The following CHD9 variants were observed in gnomAD, a reference collection of about 807,000 sequenced individuals.
The protein encoded by CHD9 is ATP-dependent chromatin remodeler CHD9.
In CHD9, 77 loss-of-function variants were observed where a neutral mutation model predicts 316.1. The observed-to-expected ratio is 0.24, with a 90% confidence interval of 0.20 to 0.29. The LOEUF is 0.29. Among genes scored for constraint, CHD9 ranks in the 10% least tolerant of loss-of-function variants. The probability of loss-of-function intolerance (pLI) is 1.00; values close to 1 mark genes in which losing one functional copy is unlikely to be tolerated. For missense variants in CHD9, 2,763 were observed against 3,438.1 expected (o/e 0.80, Z 4.91); for synonymous variants, 1,129 against 1,158.3 (o/e 0.97, Z 0.51).
At chr16:53,079,325 C>T (rs191514577) in intron 1 of CHD9, among the ~76,000 whole-genome samples, 1 of 152,264 alleles carries the variant, frequency 6.6e-6, no homozygotes, top group East Asian at 1.9e-4. Flanking sequence ...ATATTGCACA[C>T]GTTAAGTGCT....
At chr16:53,296,434 A>ATTTTTTTTTTTTTTTTTTTTTTTT (rs35618799) in intron 29 of CHD9, among the ~76,000 whole-genome samples, 1 of 101,764 alleles carries the variant, frequency 9.8e-6, no homozygotes, top group Non-Finnish European at 1.8e-5. Flanking sequence ...TTAAAAGTAA[A>ATTTTTTTTTTTTTTTTTTTTTTTT]TTTTTTTTTT....
At chr16:53,118,689 T>C (rs778896549) in intron 1 of CHD9, among the ~76,000 whole-genome samples, 7 of 152,044 alleles carry the variant, frequency 4.6e-5, no homozygotes, top group Non-Finnish European at 1.0e-4. Context: ...AGCCAAAATG[T>C]CCAAGAATTC....
At chr16:53,291,290 C>T (rs1422223776) in intron 27 of CHD9, among the ~76,000 whole-genome samples, 1 of 152,140 alleles carries the variant, frequency 6.6e-6, no homozygotes, top group African/African-American at 2.4e-5. Context: ...ACTGAATCTT[C>T]AGCACAAGCA....
intron 29 of CHD9, 90 bp downstream of exon 29, chr16:53,293,142 G>A (rs2054490530): frequency 8.8e-7 from 1 of 1,132,384 alleles, no homozygotes; most frequent in South Asian, 1.4e-5. Context: ...ACGCTTTGTG[G>A]AAAACATACA....
chr16:53,129,017 C>T (rs2039095445), intron 1 of CHD9, among the ~76,000 whole-genome samples: 1 of 152,088 alleles, frequency 6.6e-6, no homozygotes, highest in African/African-American at 2.4e-5. Context: ...CAAAACAAAA[C>T]AAAAACACAA....
Position 53,156,766 on chromosome 16 carries a change from T to C in CHD9, c.677T>C (p.Ile226Thr), listed in dbSNP as rs1202670958. 1 of 1,613,892 alleles carries C rather than the reference T, an allele frequency of 6.2e-7. No individual in the cohort carries two copies. The highest frequency in any genetic ancestry group is 1.3e-5 in the African/African-American group (1 of 75,054). The change falls in exon 2 of 39, where the codon ATT becomes ACT. Residue 226 changes from isoleucine (I) to threonine (T), a missense_variant. Around this residue, in one of 15 missense-constraint regions of CHD9, gnomAD observed 859 missense variants for 890.4 expected, o/e 0.96. Coordinates refer to ENST00000447540, the MANE Select transcript of CHD9 (RefSeq NM_001308319.2). The part of the protein sequence containing the change: ...MTNASNSQQS[I>T]SMQQFSQTSN... The stretch of plus-strand genomic sequence containing the variant: ...AATGCATCTAATTCACAACAGTCTA[T>C]TTCAATGCAGCAATTTTCTCAAACG...
Position 53,324,554 on chromosome 16 carries a change from G to A in CHD9, c.8353G>A (p.Ala2785Thr). The A allele has an allele frequency of 6.2e-7, 1 of 1,613,744 alleles. No homozygotes were observed. Among genetic ancestry groups the A allele is most frequent in the Non-Finnish European group, 8.5e-7 (1 of 1,179,780 alleles). ...ATCCTCTACTGCTGCATTAAATACAGCTGCAGCTGCCAACCCATTAGCTCT... is the reference window on the plus strand; with the variant it reads ...ATCCTCTACTGCTGCATTAAATACAACTGCAGCTGCCAACCCATTAGCTCT... ...STSSTAALNTAAAANPLALNP... is the reference protein window; with the variant it reads ...STSSTAALNTTAAANPLALNP... The change falls in exon 39 of 39, where the codon GCT becomes ACT. Residue 2785 changes from alanine (A) to threonine (T), a missense_variant. Ala to Thr is a moderately conservative substitution (Grantham distance 58). This residue lies in a region of CHD9 where 298 missense variants were observed against 380.2 expected (regional missense o/e 0.78). Coordinates refer to ENST00000447540, the MANE Select transcript of CHD9 (RefSeq NM_001308319.2).
intron 2 of CHD9, among the ~76,000 whole-genome samples, chr16:53,187,434 A>G (rs910660903): frequency 2.6e-5 from 4 of 152,176 alleles, no homozygotes; most frequent in African/African-American, 9.7e-5. Context: ...TGAACCCAGG[A>G]GTTCAAAGTT....
Position 53,153,833 on chromosome 16 carries a change from C to T in CHD9, c.-164-2093C>T, listed in dbSNP as rs145875837. Among the ~76,000 whole-genome samples the T allele has an allele frequency of 5.0e-4, 76 of 152,304 alleles. 2 individuals are homozygous for T. In the South Asian group the frequency reaches 0.013, roughly 27 times the overall value. On this transcript the variant is annotated intron_variant, in intron 1 of 38. Transcript: ENST00000447540. ...GGGATTATAGGTGTGAGCCACTGCA[C>T]CTTGCCAATTTCCAGATTTATTTAT... is the stretch of plus-strand genomic sequence containing the variant.
At chr16:53,077,527 C>T (rs1190228235) in intron 1 of CHD9, among the ~76,000 whole-genome samples, 1 of 151,476 alleles carries the variant, frequency 6.6e-6, no homozygotes, top group Non-Finnish European at 1.5e-5. Context: ...CGGGGTTTCA[C>T]CATGTTAGCC....
chr16:53,319,927 A>G (rs1254637807), intron 37 of CHD9: 1 of 867,316 alleles, frequency 1.2e-6, no homozygotes, highest in South Asian at 2.1e-5. Flanking sequence ...TAAAAAAGAG[A>G]AGACAACAGA....
intron 2 of CHD9, among the ~76,000 whole-genome samples, chr16:53,164,648 G>A (rs577290386): frequency 1.3e-4 from 20 of 151,562 alleles, no homozygotes; most frequent in Non-Finnish European, 5.9e-5. Context: ...TTTTTGGAGG[G>A]GGGGGTTTGT....
At position 53,245,260 on chromosome 16, in the gene CHD9, A is replaced by G. The variant is rs1217435763; in HGVS notation, c.3055-76A>G. ...TCAGAAAAATATTTGCATATTGATC[A>G]TTCGATAATCTAAGTCAGCTTTCAT... On this transcript the variant is annotated intron_variant, in intron 13 of 38. Transcript: ENST00000447540. The surrounding 1 kb of genome is among the most constrained non-coding windows in gnomAD (Gnocchi z 4.1). 2.7e-6 allele frequency: 3 copies of G among 1,120,410 alleles called. No individual in the cohort carries two copies. In the African/African-American group the frequency reaches 4.8e-5, roughly 18 times the overall value. The allele number at this position is 1,120,410 out of a possible 1,614,324, so 69.4% of individuals were successfully genotyped here. A position where few individuals can be genotyped will look rare whatever the true frequency, so the allele number is the denominator to read the frequency against.
chr16:53,131,507 T>G (rs1374041430), intron 1 of CHD9, among the ~76,000 whole-genome samples: 1 of 149,836 alleles, frequency 6.7e-6, no homozygotes, highest in Admixed American at 6.6e-5. Flanking sequence ...GCGCCTGTCA[T>G]GGCTGCGGGC....
chr16:53,260,235 T>G (rs1311157920), intron 19 of CHD9, among the ~76,000 whole-genome samples: 1 of 152,198 alleles, frequency 6.6e-6, no homozygotes, highest in South Asian at 2.1e-4. Flanking sequence ...TTCTAACACT[T>G]CGGGAGGCCA....
In CHD9 at chr16:53,326,258, A is replaced by G. The variant is rs2057536928; in HGVS notation, c.*1363A>G. 6.6e-6 allele frequency: 1 copy of G among 152,554 alleles called. No homozygotes were observed. The highest frequency in any genetic ancestry group is 1.5e-5 in the Non-Finnish European group (1 of 67,946). 9.5% of individuals were successfully genotyped at this position (152,554 alleles called of 1,614,324 possible). ...TAAAACAATTAGTACTGAATTGGAC[A>G]TAAAAATATTGACATTCTAAGGAGA... On this transcript the variant is annotated 3_prime_UTR_variant, in exon 39 of 39. Coordinates refer to ENST00000447540, the MANE Select transcript of CHD9 (RefSeq NM_001308319.2).
chr16:53,262,104 C>T (rs1047544202), intron 19 of CHD9, among the ~76,000 whole-genome samples: 4 of 152,126 alleles, frequency 2.6e-5, no homozygotes, highest in Non-Finnish European at 5.9e-5. Context: ...CCATTTACCA[C>T]TAGTCTCCTT....
chr16:53,184,464 G>C (rs2043813386), intron 2 of CHD9, among the ~76,000 whole-genome samples: 1 of 151,862 alleles, frequency 6.6e-6, no homozygotes, highest in Admixed American at 6.6e-5. Flanking sequence ...AACCTCCCTA[G>C]TAGCTGGGAC....
At position 53,061,182 on chromosome 16, in the gene CHD9, C is replaced by G. The variant is rs371605175; in HGVS notation, c.-165+6105C>G. On this transcript the variant is annotated intron_variant, in intron 1 of 38. Transcript: ENST00000447540. ...CCTCAGGTGATTCACCCGCCTTGGC[C>G]TCCCAAAGTGCTAGGATTACAGGCA... Among the ~76,000 whole-genome samples the G allele has an allele frequency of 2.0e-5, 3 of 152,210 alleles. No homozygotes were observed. In the South Asian group the frequency reaches 6.2e-4, roughly 32 times the overall value.
Sources: gnomAD v4.1 joint callset for allele counts (sites outside exome capture counted in the v4.1 genomes callset) on GRCh38, gnomAD v4.1.1 for gene constraint, gnomAD v4.1.1 regional missense constraint, Gnocchi (gnomAD v3.1) non-coding constraint, MANE v1.5 for transcripts, NCBI Gene and HGNC (gene_info 2026-07-23, HGNC 2026-07-21) for gene names.